Variants in ZNF280D observed in about 807,000 individuals in gnomAD.
ZNF280D encodes the protein suppressor of hairy wing homolog 4.
ZNF280D carries 39 observed loss-of-function variants against 94.7 expected under a neutral mutation model. That is an observed-to-expected ratio of 0.41 (90% confidence interval 0.32 to 0.54). ZNF280D has a LOEUF of 0.54. ZNF280D is among the 20% of genes least tolerant of loss of function. The pLI, the probability that ZNF280D is intolerant of heterozygous loss-of-function variation, is 0.22. For synonymous variants in ZNF280D, 398 were observed against 377.6 expected, an observed-to-expected ratio of 1.05 and a Z score of -0.63; for missense variants, 1,090 against 1,149.3, an observed-to-expected ratio of 0.95 and a Z score of 0.75.
intron 6 of ZNF280D, among the ~76,000 whole-genome samples, chr15:56,693,684 T>C (rs151033817): frequency 6.6e-6 from 1 of 151,982 alleles, no homozygotes; most frequent in Non-Finnish European, 1.5e-5. Flanking sequence ...CATATTTACA[T>C]GACCAAAAAA....
intron 1 of ZNF280D, among the ~76,000 whole-genome samples, chr15:56,731,124 A>T (rs1373853884): frequency 1.3e-5 from 2 of 152,274 alleles, no homozygotes; most frequent in East Asian, 1.9e-4. Context: ...GGATAGGGGG[A>T]ACAAATTTAA....
At chr15:56,653,626 G>A (rs2053345258) in intron 19 of ZNF280D, 2 of 1,449,162 alleles carry the variant, frequency 1.4e-6, no homozygotes, top group Non-Finnish European at 1.8e-6. Context: ...ATAGCACAAT[G>A]ACAGACAACG....
At position 56,724,578 on chromosome 15, in the gene ZNF280D, A is replaced by G. The variant is rs147622885; in HGVS notation, c.-86+8880T>C. Among the ~76,000 whole-genome samples the G allele has an allele frequency of 8.0e-3, 1,218 of 152,298 alleles. 7 individuals carry two copies. Among genetic ancestry groups the G allele is most frequent in the Non-Finnish European group, 0.011 (741 of 68,026 alleles). Reference sequence around the variant, plus strand: ...TCGTATCTTATAAAATGAATACACAATATCTGGCACCCAGTGTTATTCCAA... The same window carrying G: ...TCGTATCTTATAAAATGAATACACAGTATCTGGCACCCAGTGTTATTCCAA... On this transcript the variant is annotated intron_variant, in intron 1 of 21. Coordinates refer to ENST00000267807, the MANE Select transcript of ZNF280D (RefSeq NM_017661.4).
rs377078980 is a variant in ZNF280D at position 56,669,951 on chromosome 15, A to T, written c.1411-994T>A. Among the ~76,000 whole-genome samples the T allele has an allele frequency of 5.0e-3, 8 of 1,612 alleles. 1 individual carries two copies. Among genetic ancestry groups the T allele is most frequent in the African/African-American group, 0.012 (6 of 488 alleles). 1.1% of individuals were successfully genotyped at this position (1,612 alleles called of 152,430 possible). A position where few individuals can be genotyped will look rare whatever the true frequency, so the allele number is the denominator to read the frequency against. On this transcript the variant is annotated intron_variant, in intron 13 of 21. Transcript: ENST00000267807. ...TATATATATATTATATATATATATTATATATATATATTATATATATATAAT... is the reference window on the plus strand; with the variant it reads ...TATATATATATTATATATATATATTTTATATATATATTATATATATATAAT...
intron 14 of ZNF280D, chr15:56,668,384 A>G (rs141676960): frequency 3.1e-6 from 1 of 322,146 alleles, no homozygotes; most frequent in East Asian, 9.7e-5. Context: ...TTCTCAGAGT[A>G]AACTCAGTAA....
chr15:56,685,664 GA>G (rs1183208329), intron 9 of ZNF280D, among the ~76,000 whole-genome samples: 2 of 152,162 alleles, frequency 1.3e-5, no homozygotes, highest in Non-Finnish European at 2.9e-5. Context: ...CTTCCTCATA[GA>G]AAAGAACAGT....
chr15:56,713,643 A>C (rs2057890676), intron 1 of ZNF280D, among the ~76,000 whole-genome samples: 1 of 152,214 alleles, frequency 6.6e-6, no homozygotes, highest in South Asian at 2.1e-4. Flanking sequence ...CTCAACTATG[A>C]ATAACAATCT....
chr15:56,644,282 G>A (rs1159767173), intron 19 of ZNF280D, among the ~76,000 whole-genome samples: 1 of 152,000 alleles, frequency 6.6e-6, no homozygotes, highest in East Asian at 1.9e-4. Context: ...ATTGTCTCAA[G>A]TATTTAATTG....
chr15:56,705,356 C>T lies in ZNF280D; in HGVS notation c.29-1089G>A, dbSNP rs145999511. Among the ~76,000 whole-genome samples, 7 of 151,964 alleles carry T rather than the reference C, an allele frequency of 4.6e-5. No individual in the cohort carries two copies. The East Asian group carries it at 1.4e-3, about 29-fold the overall frequency. On this transcript the variant is annotated intron_variant, in intron 3 of 21. Transcript: ENST00000267807. ...TGTGTCTCAGAGCGATTATTTATAC[C>T]ACGTCTTCTACCTAGAATATCTTTC...
At chr15:56,677,884 G>T (rs960933666) in intron 11 of ZNF280D, among the ~76,000 whole-genome samples, 8 of 151,934 alleles carry the variant, frequency 5.3e-5, no homozygotes, top group Non-Finnish European at 7.4e-5. Flanking sequence ...TATAAGAAAG[G>T]TATTTCTGTT....
intron 1 of ZNF280D, among the ~76,000 whole-genome samples, chr15:56,729,059 A>G (rs1269923458): frequency 6.6e-6 from 1 of 152,206 alleles, no homozygotes; most frequent in Non-Finnish European, 1.5e-5. Context: ...TTCCATTCAG[A>G]TGATGTTGCC....
At chr15:56,666,294 G>T in intron 16 of ZNF280D, 101 bp downstream of exon 16, 1 of 1,280,616 alleles carries the variant, frequency 7.8e-7, no homozygotes, top group Admixed American at 2.2e-5. Flanking sequence ...TTAGCTCCTT[G>T]AAGAGAAAAA....
chr15:56,684,777 AC>A (rs1471788312), intron 9 of ZNF280D, among the ~76,000 whole-genome samples: 1 of 152,174 alleles, frequency 6.6e-6, no homozygotes, highest in East Asian at 1.9e-4. Context: ...AGAAGATAAA[AC>A]AAATTCATAT....
At chr15:56,707,892 A>G (rs1245652699) in intron 1 of ZNF280D, among the ~76,000 whole-genome samples, 1 of 151,822 alleles carries the variant, frequency 6.6e-6, no homozygotes, top group African/African-American at 2.4e-5. Context: ...GAAGTTTACA[A>G]TCTAGTATGT....
chr15:56,672,305 T>C, intron 13 of ZNF280D, among the ~76,000 whole-genome samples: 1 of 152,170 alleles, frequency 6.6e-6, no homozygotes, highest in Non-Finnish European at 1.5e-5. Context: ...AGTATGATAC[T>C]GGCTGTGGGT....
chr15:56,676,649 A>AT (rs775277442), intron 13 of ZNF280D, 21 bp downstream of exon 13: 1 of 1,578,044 alleles, frequency 6.3e-7, no homozygotes, highest in East Asian at 2.3e-5. Flanking sequence ...TAATAAACAA[A>AT]TAAGAACTGG....
chr15:56,720,351 A>C (rs1349545151), intron 1 of ZNF280D, among the ~76,000 whole-genome samples: 4 of 152,210 alleles, frequency 2.6e-5, no homozygotes, highest in African/African-American at 7.2e-5. Flanking sequence ...GCACTTAGTC[A>C]CATCTTCAGG....
chr15:56,709,858 T>C (rs1472173219), intron 1 of ZNF280D, among the ~76,000 whole-genome samples: 2 of 151,788 alleles, frequency 1.3e-5, no homozygotes, highest in Non-Finnish European at 2.9e-5. Context: ...GGGCCTGTCG[T>C]TGGGTGGGGG....
At chr15:56,666,619 A>AAGTT in intron 15 of ZNF280D, 60 bp downstream of exon 15, 1 of 1,505,766 alleles carries the variant, frequency 6.6e-7, no homozygotes, top group Non-Finnish European at 8.9e-7. Context: ...TCTCTTAACT[A>AAGTT]AAGTATAAGT....
Sources: allele counts gnomAD v4.1 joint callset (sites outside exome capture counted in the v4.1 genomes callset), GRCh38; gene constraint gnomAD v4.1.1; transcripts MANE v1.5; gene names NCBI Gene and HGNC (gene_info 2026-07-23, HGNC 2026-07-21).